Variants in ODR4 observed in about 807,000 individuals in gnomAD.
The protein encoded by ODR4 is odr-4 GPCR localization factor homolog.
ODR4 carries 47 observed loss-of-function variants against 60.2 expected under a neutral mutation model. The observed-to-expected ratio is 0.78, with a 90% confidence interval of 0.62 to 1.00. The LOEUF is 1.00. ODR4 is among the 50% of genes least tolerant of loss of function. The pLI is 0.00. For missense variants in ODR4, 488 were observed against 530.8 expected, an observed-to-expected ratio of 0.92 and a Z score of 0.79; for synonymous variants, 178 against 175.5, an observed-to-expected ratio of 1.01 and a Z score of -0.11.
chr1:186,418,985 G>C, intron 13 of ODR4, 24 bp from the exon 14 acceptor site: 1 of 1,587,492 alleles, frequency 6.3e-7, no homozygotes, highest in Non-Finnish European at 8.6e-7. Flanking sequence ...ATTTTCATTT[G>C]TTCTGTGTTT....
At chr1:186,394,391 A>G (rs562013835) in intron 9 of ODR4, among the ~76,000 whole-genome samples, 1 of 152,238 alleles carries the variant, frequency 6.6e-6, no homozygotes, top group South Asian at 2.1e-4. Flanking sequence ...GCTTATTTTG[A>G]AGTAGATTAA....
chr1:186,388,836 A>G (rs1160088101), intron 5 of ODR4, among the ~76,000 whole-genome samples: 3 of 152,304 alleles, frequency 2.0e-5, no homozygotes, highest in East Asian at 3.9e-4. Flanking sequence ...CAGATTCCCT[A>G]CAGAGATAAA....
At position 186,419,094 on chromosome 1, in the gene ODR4, T is replaced by C. The variant is rs753159996; in HGVS notation, c.*18T>C. On this transcript the variant is annotated 3_prime_UTR_variant, in exon 14 of 14. Transcript: ENST00000287859. ...GTGATTAGGGTGAGGCACAAAGAGT[T>C]TCTTGATCATCCAGAGAACATTGAC... The C allele has an allele frequency of 1.9e-6, 3 of 1,593,932 alleles. No individual in the cohort carries two copies. The South Asian group carries it at 3.4e-5, about 18-fold the overall frequency.
At chr1:186,409,942 G>A (rs1002015152) in intron 12 of ODR4, among the ~76,000 whole-genome samples, 6 of 152,126 alleles carry the variant, frequency 3.9e-5, no homozygotes, top group Non-Finnish European at 7.4e-5. Flanking sequence ...CTTTCTTGTA[G>A]TTCCCTCTTC....
chr1:186,431,849 T>C, the ODR4 span, among the ~76,000 whole-genome samples: 4 of 152,160 alleles, frequency 2.6e-5, no homozygotes, highest in Non-Finnish European at 1.5e-5. Context: ...GTACAGACTT[T>C]CATGGGGATG....
intron 11 of ODR4, chr1:186,401,092 A>AC: frequency 6.3e-7 from 1 of 1,595,860 alleles, no homozygotes; most frequent in Non-Finnish European, 8.6e-7. Flanking sequence ...CTTAGCAGAC[A>AC]CATTAGTATA....
the ODR4 span, among the ~76,000 whole-genome samples, chr1:186,434,674 T>C: frequency 6.6e-6 from 1 of 152,190 alleles, no homozygotes; most frequent in South Asian, 2.1e-4. Context: ...CTTTATTTAT[T>C]TTTAATAAAA....
At chr1:186,384,750 A>T (rs1055902339) in intron 3 of ODR4, among the ~76,000 whole-genome samples, 1 of 152,196 alleles carries the variant, frequency 6.6e-6, no homozygotes, top group African/African-American at 2.4e-5. Context: ...TTGAAAAGAT[A>T]TGCAGGCTCC....
intron 1 of ODR4, 50 bp from the exon 2 acceptor site, chr1:186,379,717 T>C (rs1659952212): frequency 1.2e-5 from 12 of 983,946 alleles, no homozygotes; most frequent in Non-Finnish European, 1.8e-5. Flanking sequence ...ATAAAGACAT[T>C]GCAAATGATA....
At chr1:186,377,146 A>AT (rs1659809743) in intron 1 of ODR4, among the ~76,000 whole-genome samples, 1 of 152,202 alleles carries the variant, frequency 6.6e-6, no homozygotes, top group African/African-American at 2.4e-5. Context: ...TATAATACCT[A>AT]ATACAATGTA....
At chr1:186,428,755 C>T in the ODR4 span, among the ~76,000 whole-genome samples, 1 of 152,130 alleles carries the variant, frequency 6.6e-6, no homozygotes, top group African/African-American at 2.4e-5. Context: ...GGGTTATCAA[C>T]TGGCCTAATA....
intron 12 of ODR4, among the ~76,000 whole-genome samples, chr1:186,412,506 A>G (rs1213496138): frequency 1.3e-5 from 2 of 152,176 alleles, no homozygotes; most frequent in African/African-American, 4.8e-5. Context: ...GTTAAATTGG[A>G]AGGAATGATA....
rs60927100 is a variant in ODR4, at chr1:186,408,104, G to A, written c.1186+1836G>A. Among the ~76,000 whole-genome samples the A allele has an allele frequency of 6.8e-3, 1,033 of 152,146 alleles. 18 individuals are homozygous for A. The highest frequency in any genetic ancestry group is 0.024 in the African/African-American group (996 of 41,520). The stretch of plus-strand genomic sequence containing the variant: ...TACAAATACTAAATTATCATTCCTT[G>A]TAACAACCCTGTGATGTAAATAACA... On this transcript the variant is annotated intron_variant, in intron 12 of 13. Coordinates refer to ENST00000287859, the MANE Select transcript of ODR4 (RefSeq NM_017847.6).
Position 186,382,048 on chromosome 1 carries a change from T to C in ODR4, c.100-974T>C, listed in dbSNP as rs12747820. Among the ~76,000 whole-genome samples the C allele has an allele frequency of 3.5e-3, 527 of 152,168 alleles. 6 individuals are homozygous for C. Among genetic ancestry groups the C allele is most frequent in the Admixed American group, 6.1e-3 (94 of 15,292 alleles). On this transcript the variant is annotated intron_variant, in intron 2 of 13. Transcript: ENST00000287859. ...CTTTCACTGTAGTGAAACTGAGCTA[T>C]TGAATGTTCCCCTACATTTATTTTT...
At chr1:186,396,342 C>A (rs1004867042) in intron 9 of ODR4, among the ~76,000 whole-genome samples, 1 of 152,154 alleles carries the variant, frequency 6.6e-6, no homozygotes, top group Non-Finnish European at 1.5e-5. Flanking sequence ...AGCATGGTAG[C>A]TCATGCCTGT....
intron 4 of ODR4, among the ~76,000 whole-genome samples, 153 bp downstream of exon 4, chr1:186,386,236 G>A (rs1404487636): frequency 6.6e-6 from 1 of 152,000 alleles, no homozygotes; most frequent in Admixed American, 6.6e-5. Flanking sequence ...TCACTCAATT[G>A]CTTGGATATC....
At chr1:186,414,225 T>A (rs181624388) in intron 12 of ODR4, among the ~76,000 whole-genome samples, 26 of 152,276 alleles carry the variant, frequency 1.7e-4, no homozygotes, top group Admixed American at 1.2e-3. Context: ...GTATCAAACC[T>A]CATGATTTTG....
intron 4 of ODR4, among the ~76,000 whole-genome samples, chr1:186,387,902 A>G (rs1660314402): frequency 1.3e-5 from 2 of 152,158 alleles, no homozygotes; most frequent in African/African-American, 4.8e-5. Context: ...TGTTATTACT[A>G]TATTTTATAT....
chr1:186,412,093 A>G (rs1661400903), intron 12 of ODR4, among the ~76,000 whole-genome samples: 1 of 152,172 alleles, frequency 6.6e-6, no homozygotes, highest in African/African-American at 2.4e-5. Flanking sequence ...TTGGCTGCCT[A>G]TTATGTATTA....
Sources: gnomAD v4.1 joint callset for allele counts (sites outside exome capture counted in the v4.1 genomes callset) on GRCh38, gnomAD v4.1.1 for gene constraint, MANE v1.5 for transcripts, NCBI Gene and HGNC (gene_info 2026-07-23, HGNC 2026-07-21) for gene names.